Variants in DYSF observed in about 807,000 individuals in gnomAD.
DYSF encodes the protein dystrophy-associated fer-1-like 1.
A neutral mutation model predicts 274.9 loss-of-function variants in DYSF; 212 were observed. The ratio of observed to expected loss-of-function variants is 0.77; its 90% CI spans 0.69 to 0.86. DYSF has a LOEUF of 0.86. Ranked by LOEUF, DYSF falls within the 40% of genes least tolerant of loss-of-function variation. The probability of loss-of-function intolerance (pLI) is 0.00; values close to 1 mark genes in which losing one functional copy is unlikely to be tolerated. For synonymous variants in DYSF, 1,091 were observed against 1,078.7 expected (o/e 1.01, Z -0.22); for missense variants, 2,666 against 2,783.2 (o/e 0.96, Z 0.95).
At chr2:71,490,620 C>T (rs745958126) in intron 3 of DYSF, among the ~76,000 whole-genome samples, 11 of 152,358 alleles carry the variant, frequency 7.2e-5, no homozygotes, top group Non-Finnish European at 1.3e-4. Flanking sequence ...AGCCACTGCG[C>T]CCGGCCTGGT....
intron 9 of DYSF, 107 bp from the exon 10 acceptor site, chr2:71,516,882 A>T (rs879195659): frequency 2.0e-6 from 2 of 985,734 alleles, no homozygotes; most frequent in East Asian, 4.8e-5. Flanking sequence ...GGAATTGAGT[A>T]AGTGTGAAGT....
intron 41 of DYSF, among the ~76,000 whole-genome samples, chr2:71,622,401 A>G (rs961297309): frequency 6.6e-6 from 1 of 152,268 alleles, no homozygotes; most frequent in East Asian, 1.9e-4. Context: ...GTTTTCTTCA[A>G]ATAATGATAA....
rs1431774904 is a variant in DYSF at position 71,598,597 on chromosome 2, G to A, written c.3608G>A (p.Ser1203Asn). 6.2e-7 allele frequency: 1 copy of A among 1,614,100 alleles called. No homozygotes were observed. The highest frequency in any genetic ancestry group is 8.5e-7 in the Non-Finnish European group (1 of 1,180,048). ...PYAIVSFLHQ[S>N]QKTVVVKNTL... ...GCCATCGTCTCCTTCCTGCACCAGA[G>A]CCAGAAGACGGTGGTGGTGAAGAAC... Residue 1203 changes from serine to asparagine, a missense_variant, in exon 33 of 56, where the codon AGC becomes AAC. This residue lies in a region of DYSF where 1,460 missense variants were observed against 1,502.1 expected (regional missense o/e 0.97). Coordinates refer to ENST00000410020, the MANE Select transcript of DYSF (RefSeq NM_001130987.2).
intron 3 of DYSF, among the ~76,000 whole-genome samples, chr2:71,496,287 G>C (rs530742563): frequency 7.2e-5 from 11 of 152,324 alleles, no homozygotes; most frequent in African/African-American, 2.6e-4. Context: ...GAGCCCAGGA[G>C]TTTGAGACCA....
intron 40 of DYSF, 146 bp downstream of exon 40, chr2:71,613,556 G>A: frequency 2.6e-6 from 2 of 775,334 alleles, no homozygotes. Flanking sequence ...CTGTCCAGTA[G>A]AGAGACCCAG....
At chr2:71,501,052 G>T (rs577148577) in intron 3 of DYSF, among the ~76,000 whole-genome samples, 28 of 152,186 alleles carry the variant, frequency 1.8e-4, no homozygotes, top group African/African-American at 6.5e-4. Flanking sequence ...GTGCCTTCTG[G>T]CACCAGCCCC....
intron 22 of DYSF, among the ~76,000 whole-genome samples, chr2:71,558,563 G>A (rs1381865991): frequency 6.6e-6 from 1 of 152,208 alleles, no homozygotes; most frequent in Non-Finnish European, 1.5e-5. Context: ...CATGACCCCC[G>A]TGTTGTTTGT....
At position 71,571,621 on chromosome 2, in the gene DYSF, C is replaced by G. The variant is rs201913729; in HGVS notation, c.3228+880C>G. ...ACACAGCTCACACCCAGCACACACACAGATCACACCCAGCACATGCAGAGA... is the reference window on the plus strand; with the variant it reads ...ACACAGCTCACACCCAGCACACACAGAGATCACACCCAGCACATGCAGAGA... On this transcript the variant is annotated intron_variant, in intron 29 of 55. Transcript: ENST00000410020. Among the ~76,000 whole-genome samples, 394 of 139,652 alleles carry G rather than the reference C, an allele frequency of 2.8e-3. 16 individuals carry two copies. In the East Asian group the frequency reaches 0.083, roughly 29 times the overall value. 91.6% of individuals were successfully genotyped at this position (139,652 alleles called of 152,430 possible).
At chr2:71,553,754 C>CCCCCCCCCCCCCCAACAGGG in intron 20 of DYSF, 53 bp from the exon 21 acceptor site, 1 of 538,758 alleles carries the variant, frequency 1.9e-6, no homozygotes. Context: ...AGCACCCCAT[C>CCCCCCCCCCCCCCAACAGGG]CCACCCGCCC....
chr2:71,669,335 T>TG, intron 50 of DYSF, 128 bp downstream of exon 50: 1 of 937,408 alleles, frequency 1.1e-6, no homozygotes, highest in East Asian at 2.6e-5. Context: ...CGAGGGCTCC[T>TG]GGGGGTGGTC....
Position 71,513,909 on chromosome 2 carries a change from G to A in DYSF, c.747G>A (p.Pro249=), listed in dbSNP as rs751402861. ...CTAGAAAGCTGCTGTCAGACAAACC[G>A]CAGGATTTCCAGGTGATGAACGGGC... ...PTSRKLLSDK[P]QDFQIRVQVI... is the part of the protein sequence containing the mutation. Residue 249 remains proline, a synonymous_variant, in exon 7 of 56, where the codon CCG becomes CCA. Coordinates refer to ENST00000410020, the MANE Select transcript of DYSF (RefSeq NM_001130987.2). 5.0e-5 allele frequency: 81 copies of A among 1,614,006 alleles called. No homozygotes were observed. Among genetic ancestry groups the A allele is most frequent in the Non-Finnish European group, 2.2e-5 (26 of 1,180,010 alleles).
intron 39 of DYSF, 123 bp from the exon 40 acceptor site, chr2:71,613,211 G>T (rs527513377): frequency 2.4e-6 from 2 of 832,166 alleles, no homozygotes; most frequent in South Asian, 2.9e-5. Flanking sequence ...GAGAGATACC[G>T]ACTGAGAAAT....
At chr2:71,667,240 T>C in intron 47 of DYSF, 136 bp from the exon 48 acceptor site, 1 of 1,229,822 alleles carries the variant, frequency 8.1e-7, no homozygotes, top group African/African-American at 1.5e-5. Flanking sequence ...AAAGTGCATC[T>C]GTGCTGGGGG....
Position 71,570,014 on chromosome 2 carries a change from A to T in DYSF, c.2979+80A>T. On this transcript the variant is annotated intron_variant, in intron 27 of 55. Coordinates refer to ENST00000410020, the MANE Select transcript of DYSF (RefSeq NM_001130987.2). ...CCTGGTGCTCAGGGACAGGTGGGGC[A>T]TGTTTCTCTTTGCCCCCTCTTACCT... The T allele has an allele frequency of 2.2e-6, 3 of 1,340,414 alleles. No individual in the cohort carries two copies. In the South Asian group the frequency reaches 3.6e-5, roughly 16 times the overall value. 83.0% of individuals were successfully genotyped at this position (1,340,414 alleles called of 1,614,324 possible).
intron 42 of DYSF, among the ~76,000 whole-genome samples, chr2:71,649,213 AAGGTAAT>A (rs1224316096): frequency 6.6e-6 from 1 of 151,786 alleles, no homozygotes; most frequent in African/African-American, 2.4e-5. Flanking sequence ...TGGAAGGGTT[AAGGTAAT>A]AGGTAAGAAT....
At chr2:71,506,101 C>G (rs747363801) in intron 4 of DYSF, among the ~76,000 whole-genome samples, 1 of 152,142 alleles carries the variant, frequency 6.6e-6, no homozygotes, top group African/African-American at 2.4e-5. Context: ...CTTGTCCACA[C>G]GGGACACATG....
Position 71,658,943 on chromosome 2 carries a change from C to A in DYSF, c.4821C>A (p.His1607Gln), listed in dbSNP as rs771742780. 8.1e-6 allele frequency: 13 copies of A among 1,614,098 alleles called. 1 individual carries two copies. Among genetic ancestry groups the A allele is most frequent in the Admixed American group, 1.7e-5 (1 of 60,004 alleles). The change falls in exon 44 of 56, where the codon CAC (histidine) becomes CAA (glutamine). Residue 1607 changes from histidine (H) to glutamine (Q), a missense_variant. By Grantham distance (24) the His-to-Gln change is conservative (BLOSUM62 0). This residue lies in a region of DYSF where 1,460 missense variants were observed against 1,502.1 expected (regional missense o/e 0.97). Coordinates refer to ENST00000410020, the MANE Select transcript of DYSF (RefSeq NM_001130987.2). ...PAIPMPPRQF[H>Q]QLAAQGPQEC... ...TCCCCATGCCCCCAAGACAGTTCCA[C>A]CAGCTGGCCGCCCAGGGACCCCAGG...
rs991468393 is a variant in DYSF, at chr2:71,589,832, T to C, written c.3496+146T>C. 8.2e-6 allele frequency: 6 copies of C among 727,638 alleles called. No individual in the cohort carries two copies. In the African/African-American group the frequency reaches 1.1e-4, roughly 13 times the overall value. 45.1% of individuals were successfully genotyped at this position (727,638 alleles called of 1,614,324 possible). ...TTTTGGTGGGTCAGTGCTGTGTGTA[T>C]GTGTGTGTGTGTGCGCGCGTGCGTG... On this transcript the variant is annotated intron_variant, in intron 31 of 55. Coordinates refer to ENST00000410020, the MANE Select transcript of DYSF (RefSeq NM_001130987.2).
intron 30 of DYSF, among the ~76,000 whole-genome samples, chr2:71,589,137 T>C (rs572066071): frequency 6.6e-6 from 1 of 152,206 alleles, no homozygotes; most frequent in Admixed American, 6.5e-5. Flanking sequence ...ATGGTGGGTG[T>C]GTGGTGCAGC....
Sources: gnomAD v4.1 joint callset for allele counts (sites outside exome capture counted in the v4.1 genomes callset) on GRCh38, gnomAD v4.1.1 for gene constraint, gnomAD v4.1.1 regional missense constraint, MANE v1.5 for transcripts, NCBI Gene and HGNC (gene_info 2026-07-23, HGNC 2026-07-21) for gene names.